Variants in UNC5C observed in about 807,000 individuals in gnomAD.
The protein encoded by UNC5C is unc-5 netrin receptor C, also known as netrin receptor UNC5C.
Under a neutral mutation model 99.8 loss-of-function variants are expected in UNC5C, and 47 were observed. That is an observed-to-expected ratio of 0.47 (90% CI 0.37 to 0.60). UNC5C has a LOEUF of 0.60. Among genes scored for constraint, UNC5C ranks in the 20% least tolerant of loss-of-function variants. The pLI is 0.00. For missense variants in UNC5C, 1,062 were observed against 1,165.9 expected (o/e 0.91, Z 1.30); for synonymous variants, 487 against 452.2 (o/e 1.08, Z -0.98).
chr4:95,222,375 G>C, intron 7 of UNC5C: 1 of 636,026 alleles, frequency 1.6e-6, no homozygotes, highest in Admixed American at 3.8e-5. Flanking sequence ...AGAAACCTGT[G>C]GTCTTTTAAA....
chr4:95,432,611 C>CAG (rs1306071422), intron 1 of UNC5C, among the ~76,000 whole-genome samples: 2 of 152,010 alleles, frequency 1.3e-5, no homozygotes, highest in Non-Finnish European at 2.9e-5. Flanking sequence ...AGTGGTTGGT[C>CAG]AGAACCCTGT....
intron 7 of UNC5C, among the ~76,000 whole-genome samples, chr4:95,228,467 C>G (rs549629993): frequency 6.6e-6 from 1 of 152,316 alleles, no homozygotes. Flanking sequence ...TATGTTCTCA[C>G]AAACTTGCAA....
chr4:95,230,882 C>A (rs1311938449), intron 7 of UNC5C, among the ~76,000 whole-genome samples: 1 of 151,988 alleles, frequency 6.6e-6, no homozygotes, highest in Non-Finnish European at 1.5e-5. Context: ...TAAAAGAGAA[C>A]TATTGTTAGG....
chr4:95,237,363 A>G (rs13127658), intron 7 of UNC5C, among the ~76,000 whole-genome samples: 3 of 152,184 alleles, frequency 2.0e-5, no homozygotes, highest in African/African-American at 7.2e-5. Context: ...TTTTATTCCC[A>G]TTAGCAAAGT....
chr4:95,225,670 CACTT>C (rs1738657408), intron 7 of UNC5C, among the ~76,000 whole-genome samples: 1 of 151,994 alleles, frequency 6.6e-6, no homozygotes, highest in Admixed American at 6.6e-5. Flanking sequence ...TACAAAGTCT[CACTT>C]ACTTTAGTTA....
intron 5 of UNC5C, among the ~76,000 whole-genome samples, chr4:95,246,189 G>A (rs2149380115): frequency 6.6e-6 from 1 of 152,228 alleles, no homozygotes; most frequent in East Asian, 1.9e-4. Context: ...CAAGACAATG[G>A]CAAAGCCAGC....
chr4:95,328,878 G>C (rs2149417256), intron 2 of UNC5C, among the ~76,000 whole-genome samples: 1 of 152,214 alleles, frequency 6.6e-6, no homozygotes, highest in South Asian at 2.1e-4. Context: ...GCTGGTAAAG[G>C]GTTCCTTCCT....
chr4:95,253,922 C>T (rs1372596571), intron 4 of UNC5C, among the ~76,000 whole-genome samples: 1 of 152,210 alleles, frequency 6.6e-6, no homozygotes, highest in Non-Finnish European at 1.5e-5. Context: ...AATCTTCTAA[C>T]ATTTTGGTCT....
chr4:95,357,366 T>A (rs545870383), intron 1 of UNC5C, among the ~76,000 whole-genome samples: 19 of 152,200 alleles, frequency 1.2e-4, no homozygotes, highest in African/African-American at 4.6e-4. Context: ...GGTCTCAAAC[T>A]CGGCCTCAAG....
At chr4:95,541,137 G>A (rs903420711) in intron 1 of UNC5C, among the ~76,000 whole-genome samples, 2 of 152,150 alleles carry the variant, frequency 1.3e-5, no homozygotes, top group African/African-American at 4.8e-5. Flanking sequence ...TAGTCCCCCT[G>A]CTTATCTGCA....
intron 1 of UNC5C, among the ~76,000 whole-genome samples, chr4:95,480,289 G>A (rs915851989): frequency 1.3e-5 from 2 of 151,816 alleles, no homozygotes; most frequent in Non-Finnish European, 2.9e-5. Context: ...GTGTTTGTGT[G>A]TGTATATATA....
At chr4:95,344,192 G>A (rs1905458) in intron 1 of UNC5C, among the ~76,000 whole-genome samples, 60,434 of 151,276 alleles carry the variant, frequency 0.4, 13,664 homozygotes, top group East Asian at 0.84. Context: ...GATCCTAAAC[G>A]CAGCAAGAGA....
chr4:95,245,575 A>G (rs1359162994), intron 5 of UNC5C, among the ~76,000 whole-genome samples: 1 of 152,202 alleles, frequency 6.6e-6, no homozygotes, highest in East Asian at 1.9e-4. Context: ...AAAAAGATTG[A>G]TTTTTTAAGC....
chr4:95,516,871 G>A (rs867028414), intron 1 of UNC5C, among the ~76,000 whole-genome samples: 7 of 152,026 alleles, frequency 4.6e-5, no homozygotes, highest in Middle Eastern at 3.2e-3. Context: ...GACCTACAGC[G>A]AGTGCCAAGT....
At chr4:95,386,815 T>C (rs1464990322) in intron 1 of UNC5C, among the ~76,000 whole-genome samples, 1 of 152,196 alleles carries the variant, frequency 6.6e-6, no homozygotes, top group Non-Finnish European at 1.5e-5. Flanking sequence ...GCTCCTCTTA[T>C]GCTTAATTTA....
chr4:95,516,879 A>G (rs1722233567), intron 1 of UNC5C, among the ~76,000 whole-genome samples: 1 of 152,088 alleles, frequency 6.6e-6, no homozygotes, highest in Non-Finnish European at 1.5e-5. Context: ...GCGAGTGCCA[A>G]GTTACCGTGT....
rs370804968 is a variant in UNC5C, at chr4:95,283,825, A to T, written c.491-5463T>A. Among the ~76,000 whole-genome samples the T allele has an allele frequency of 1.3e-4, 20 of 152,336 alleles. No individual in the cohort carries two copies. In the South Asian group the frequency reaches 4.1e-3, roughly 32 times the overall value. On this transcript the variant is annotated intron_variant, in intron 3 of 15. Transcript: ENST00000453304. The stretch of plus-strand genomic sequence containing the variant: ...CTAAAATTAAGTATGAAGTCCTTTC[A>T]TTAATAACCTAGATTACTTTTGCAA...
chr4:95,482,873 G>A (rs556086129), intron 1 of UNC5C, among the ~76,000 whole-genome samples: 1,376 of 120,608 alleles, frequency 0.011, 47 homozygotes, highest in African/African-American at 0.046. Context: ...GTGGGCGGAG[G>A]GGGGAGGGAT....
chr4:95,437,982 C>A (rs1197762839), intron 1 of UNC5C, among the ~76,000 whole-genome samples: 1 of 152,062 alleles, frequency 6.6e-6, no homozygotes, highest in Non-Finnish European at 1.5e-5. Context: ...CTTCTAAATT[C>A]ATTAATACTA....
Sources: allele counts gnomAD v4.1 joint callset (sites outside exome capture counted in the v4.1 genomes callset), GRCh38; gene constraint gnomAD v4.1.1; transcripts MANE v1.5; gene names NCBI Gene and HGNC (gene_info 2026-07-23, HGNC 2026-07-21).